Variants in SPAG16 observed in about 807,000 individuals in gnomAD.
SPAG16 encodes the protein sperm associated antigen 16.
A neutral mutation model predicts 80.4 loss-of-function variants in SPAG16; 86 were observed. The ratio of observed to expected loss-of-function variants is 1.07; its 90% CI spans 0.90 to 1.28. The LOEUF (loss-of-function observed/expected upper bound fraction) is 1.28. SPAG16 is among the 50% of genes most tolerant of loss of function. The pLI, the probability that SPAG16 is intolerant of heterozygous loss-of-function variation, is 0.00. For missense variants in SPAG16, 870 were observed against 765.3 expected (o/e 1.14, Z -1.61); for synonymous variants, 294 against 265.9 (o/e 1.11, Z -1.03).
intron 12 of SPAG16, among the ~76,000 whole-genome samples, chr2:213,954,915 CG>C (rs2044043837): frequency 6.6e-6 from 1 of 152,026 alleles, no homozygotes; most frequent in African/African-American, 2.4e-5. Flanking sequence ...CTGATAGTAA[CG>C]TTGTGTTTTC....
chr2:213,924,558 C>A (rs1053893792), intron 11 of SPAG16, among the ~76,000 whole-genome samples: 5 of 152,176 alleles, frequency 3.3e-5, no homozygotes, highest in Non-Finnish European at 7.3e-5. Context: ...GCAGCACATA[C>A]AAGCTGCTTC....
chr2:213,805,638 T>C (rs1263274719), intron 10 of SPAG16, among the ~76,000 whole-genome samples: 1 of 152,150 alleles, frequency 6.6e-6, no homozygotes, highest in Non-Finnish European at 1.5e-5. Context: ...GTAGAAAATA[T>C]TCATCTTTTG....
At chr2:214,065,341 CTG>C (rs1420436901) in intron 13 of SPAG16, among the ~76,000 whole-genome samples, 1 of 152,052 alleles carries the variant, frequency 6.6e-6, no homozygotes, top group African/African-American at 2.4e-5. Context: ...TTATATGAAA[CTG>C]TTATATATGG....
chr2:213,666,522 A>G (rs762387714), intron 10 of SPAG16, among the ~76,000 whole-genome samples: 7 of 152,136 alleles, frequency 4.6e-5, no homozygotes, highest in Non-Finnish European at 1.0e-4. Flanking sequence ...TTTGCCTAAC[A>G]CCAGTGTCCC....
intron 15 of SPAG16, among the ~76,000 whole-genome samples, chr2:214,366,729 A>G (rs1169876054): frequency 2.6e-5 from 4 of 152,148 alleles, no homozygotes; most frequent in Non-Finnish European, 5.9e-5. Context: ...CAATTGGAAC[A>G]CAGCAGGGAA....
At chr2:213,737,946 C>G (rs2067368985) in intron 10 of SPAG16, among the ~76,000 whole-genome samples, 1 of 151,918 alleles carries the variant, frequency 6.6e-6, no homozygotes, top group African/African-American at 2.4e-5. Flanking sequence ...AAAATTCTGC[C>G]CCTCTTTTAA....
At chr2:213,822,885 G>A (rs1050877220) in intron 10 of SPAG16, among the ~76,000 whole-genome samples, 1 of 152,116 alleles carries the variant, frequency 6.6e-6, no homozygotes, top group Admixed American at 6.5e-5. Context: ...CTTCATCCAT[G>A]TCCCTGCAAA....
intron 13 of SPAG16, among the ~76,000 whole-genome samples, chr2:214,043,865 A>C (rs1031181088): frequency 6.6e-6 from 1 of 152,132 alleles, no homozygotes; most frequent in African/African-American, 2.4e-5. Context: ...TAACATATAC[A>C]CACTTATATG....
At chr2:213,370,010 A>C (rs2066545914) in intron 8 of SPAG16, among the ~76,000 whole-genome samples, 1 of 152,196 alleles carries the variant, frequency 6.6e-6, no homozygotes, top group Admixed American at 6.5e-5. Context: ...TGTCATACAG[A>C]GTAGTATCAC....
At chr2:213,398,796 G>A (rs1474307910) in intron 9 of SPAG16, among the ~76,000 whole-genome samples, 1 of 152,092 alleles carries the variant, frequency 6.6e-6, no homozygotes, top group East Asian at 1.9e-4. Context: ...CCACTAGAAT[G>A]TAAGTCCCAT....
intron 9 of SPAG16, among the ~76,000 whole-genome samples, chr2:213,449,236 C>A (rs1387399799): frequency 6.6e-6 from 1 of 152,166 alleles, no homozygotes; most frequent in Non-Finnish European, 1.5e-5. Context: ...GACCGGTTCT[C>A]TGCTCTTGAA....
chr2:213,457,501 G>A lies in SPAG16; in HGVS notation c.943-32462G>A, dbSNP rs576451444. Among the ~76,000 whole-genome samples, 5 of 152,240 alleles carry A rather than the reference G, an allele frequency of 3.3e-5. No homozygotes were observed. In the Middle Eastern group the frequency reaches 0.01, roughly 311 times the overall value. On this transcript the variant is annotated intron_variant, in intron 9 of 15. Coordinates refer to ENST00000331683, the MANE Select transcript of SPAG16 (RefSeq NM_024532.5). ...CATACTTGTTCTTTTAAACGTTTGA[G>A]GTTTATAGTTTGAGGCAACATGCAA...
At chr2:213,407,513 C>G (rs778022430) in intron 9 of SPAG16, among the ~76,000 whole-genome samples, 5 of 151,834 alleles carry the variant, frequency 3.3e-5, no homozygotes, top group Non-Finnish European at 7.4e-5. Context: ...ACAACCCCCC[C>G]GTTCAACCCC....
chr2:213,284,591 G>A lies in SPAG16; in HGVS notation c.108G>A (p.Val36=), dbSNP rs766565995. ...AGDARDTADA[V]AAEGAYYLEQ... is the part of the protein sequence containing the mutation. The stretch of plus-strand genomic sequence containing the variant: ...ACGCGAGGGACACGGCGGACGCGGT[G>A]GCGGCTGAGGGCGCCTACTACCTGG... The change falls in exon 1 of 16, where the codon GTG becomes GTA. Residue 36 remains valine, a synonymous_variant. Coordinates refer to ENST00000331683, the MANE Select transcript of SPAG16 (RefSeq NM_024532.5). 1 of 1,609,322 alleles carries A rather than the reference G, an allele frequency of 6.2e-7. No individual in the cohort carries two copies. The highest frequency in any genetic ancestry group is 8.5e-7 in the Non-Finnish European group (1 of 1,178,602).
chr2:214,054,104 G>A (rs539812249), intron 13 of SPAG16, among the ~76,000 whole-genome samples: 6 of 151,984 alleles, frequency 3.9e-5, no homozygotes, highest in African/African-American at 7.2e-5. Context: ...CCGCCTCCCG[G>A]GTTCAAGCAA....
At chr2:213,438,290 G>T (rs2070750929) in intron 9 of SPAG16, among the ~76,000 whole-genome samples, 1 of 152,174 alleles carries the variant, frequency 6.6e-6, no homozygotes, top group East Asian at 1.9e-4. Flanking sequence ...CTTAGGTCAT[G>T]TGCCAATTTT....
chr2:213,872,494 T>C (rs2105991681), intron 11 of SPAG16, among the ~76,000 whole-genome samples: 1 of 152,290 alleles, frequency 6.6e-6, no homozygotes, highest in East Asian at 1.9e-4. Flanking sequence ...TAGTATATTT[T>C]TTAGACTTCT....
chr2:214,044,756 T>C (rs1575956195), intron 13 of SPAG16, among the ~76,000 whole-genome samples: 1 of 152,306 alleles, frequency 6.6e-6, no homozygotes, highest in Middle Eastern at 3.4e-3. Flanking sequence ...TGTGAGGCAT[T>C]GCATTGAACT....
Position 213,375,117 on chromosome 2 carries a change from A to G in SPAG16, c.940A>G (p.Lys314Glu). The G allele has an allele frequency of 6.3e-7, 1 of 1,592,230 alleles. No individual in the cohort carries two copies. Among genetic ancestry groups the G allele is most frequent in the South Asian group, 1.1e-5 (1 of 88,012 alleles). ...TAAAACAAAGATGAAAGGCAATACA[A>G]AGGTATGATATTTGTTTTTGTTTGC... Reference protein sequence around the residue: ...KCKTKMKGNTKDSEFPIDMQP... With the variant: ...KCKTKMKGNTEDSEFPIDMQP... The change falls in exon 9 of 16, where the codon AAG becomes GAG. Residue 314 changes from lysine to glutamate, a missense_variant and splice_region_variant. Physicochemically the swap from Lys to Glu is moderately conservative, Grantham distance 56 (BLOSUM62 1). Coordinates refer to ENST00000331683, the MANE Select transcript of SPAG16 (RefSeq NM_024532.5).
Sources: gnomAD v4.1 joint callset for allele counts (sites outside exome capture counted in the v4.1 genomes callset) on GRCh38, gnomAD v4.1.1 for gene constraint, MANE v1.5 for transcripts, NCBI Gene and HGNC (gene_info 2026-07-23, HGNC 2026-07-21) for gene names.